Variants in SCAI observed in about 807,000 individuals in gnomAD.
The protein encoded by SCAI is suppressor of cancer cell invasion, also known as protein SCAI.
SCAI carries 24 observed loss-of-function variants against 92.2 expected under a neutral mutation model. The observed-to-expected ratio is 0.26, with a 90% CI of 0.19 to 0.37. The LOEUF (loss-of-function observed/expected upper bound fraction) is 0.37. Ranked by LOEUF, SCAI falls within the 10% of genes least tolerant of loss-of-function variation. The pLI, the probability that SCAI is intolerant of heterozygous loss-of-function variation, is 1.00. For missense variants in SCAI, 450 were observed against 736.2 expected (o/e 0.61, Z 4.50); for synonymous variants, 261 against 258.6 (o/e 1.01, Z -0.09).
chr9:125,068,301 G>C (rs1833910987), intron 2 of SCAI, among the ~76,000 whole-genome samples: 1 of 152,032 alleles, frequency 6.6e-6, no homozygotes, highest in Non-Finnish European at 1.5e-5. Context: ...AGATGTTCAA[G>C]ATCAACCTGG....
At chr9:125,105,836 C>T (rs1474007541) in intron 2 of SCAI, among the ~76,000 whole-genome samples, 2 of 151,724 alleles carry the variant, frequency 1.3e-5, no homozygotes, top group African/African-American at 4.8e-5. Flanking sequence ...CGGTGGCTCA[C>T]GCCTGTAATC....
intron 2 of SCAI, among the ~76,000 whole-genome samples, chr9:125,083,431 T>A (rs1834261202): frequency 6.6e-6 from 1 of 151,202 alleles, no homozygotes. Context: ...GGCAAGAGAA[T>A]TGCTTGAACC....
chr9:124,966,798 A>G (rs1831550325), intron 17 of SCAI, among the ~76,000 whole-genome samples: 1 of 151,626 alleles, frequency 6.6e-6, no homozygotes, highest in Admixed American at 6.6e-5. Flanking sequence ...TTTTTCTAAG[A>G]GATAGGATCT....
At chr9:125,011,295 G>C (rs1206876155) in intron 9 of SCAI, among the ~76,000 whole-genome samples, 1 of 152,174 alleles carries the variant, frequency 6.6e-6, no homozygotes, top group Non-Finnish European at 1.5e-5. Flanking sequence ...AAAAAATTTA[G>C]ACTAATGTAT....
intron 5 of SCAI, among the ~76,000 whole-genome samples, chr9:125,027,998 C>T (rs1201621049): frequency 6.6e-6 from 1 of 152,138 alleles, no homozygotes; most frequent in African/African-American, 2.4e-5. Flanking sequence ...ACATATCCTG[C>T]AAGTATGAGT....
chr9:125,074,750 A>C (rs1834052455), intron 2 of SCAI, among the ~76,000 whole-genome samples: 1 of 151,668 alleles, frequency 6.6e-6, no homozygotes, highest in Non-Finnish European at 1.5e-5. Flanking sequence ...CATGCCTGTA[A>C]TCCCAACACT....
At chr9:125,049,051 A>G (rs920457998) in intron 3 of SCAI, among the ~76,000 whole-genome samples, 2 of 152,114 alleles carry the variant, frequency 1.3e-5, no homozygotes, top group African/African-American at 4.8e-5. Context: ...GGCTAGGAGC[A>G]TATTTAATAA....
chr9:125,085,315 C>T (rs1040678053), intron 2 of SCAI, among the ~76,000 whole-genome samples: 1 of 151,926 alleles, frequency 6.6e-6, no homozygotes, highest in Non-Finnish European at 1.5e-5. Context: ...GGTGAAACCC[C>T]ATCTCAACTA....
At chr9:124,977,974 A>AT (rs992485811) in intron 14 of SCAI, among the ~76,000 whole-genome samples, 8 of 151,970 alleles carry the variant, frequency 5.3e-5, no homozygotes, top group South Asian at 2.1e-4. Flanking sequence ...AAAAATAATT[A>AT]TTTTTTTTAC....
At chr9:125,124,341 G>A (rs1239224678) in intron 2 of SCAI, among the ~76,000 whole-genome samples, 1 of 152,126 alleles carries the variant, frequency 6.6e-6, no homozygotes, top group Non-Finnish European at 1.5e-5. Flanking sequence ...ATGCAATTAT[G>A]GAGGCTGAAA....
chr9:125,112,252 C>T (rs951813509), intron 2 of SCAI, among the ~76,000 whole-genome samples: 10 of 151,568 alleles, frequency 6.6e-5, no homozygotes, highest in Non-Finnish European at 1.3e-4. Flanking sequence ...GAAATATTTC[C>T]AAATAATTTA....
intron 2 of SCAI, among the ~76,000 whole-genome samples, chr9:125,073,670 C>T (rs990300586): frequency 6.6e-6 from 1 of 152,114 alleles, no homozygotes; most frequent in Non-Finnish European, 1.5e-5. Context: ...AATGTCTATC[C>T]TATGACTCTG....
At chr9:125,101,134 G>A (rs982295891) in intron 2 of SCAI, among the ~76,000 whole-genome samples, 1 of 152,178 alleles carries the variant, frequency 6.6e-6, no homozygotes, top group Non-Finnish European at 1.5e-5. Flanking sequence ...AGGGGAAGAG[G>A]TCAGAGACAT....
intron 17 of SCAI, among the ~76,000 whole-genome samples, chr9:124,970,788 G>C (rs1347024217): frequency 1.3e-5 from 2 of 152,006 alleles, no homozygotes; most frequent in African/African-American, 4.8e-5. Context: ...GATAGGATCA[G>C]GGATGTATTG....
At chr9:124,978,710 G>C (rs964501296) in intron 14 of SCAI, among the ~76,000 whole-genome samples, 1 of 152,078 alleles carries the variant, frequency 6.6e-6, no homozygotes, top group African/African-American at 2.4e-5. Flanking sequence ...AGCCTTGTTA[G>C]TGATAGTGAA....
chr9:125,008,567 T>A (rs1448998209), intron 9 of SCAI, among the ~76,000 whole-genome samples: 1 of 151,894 alleles, frequency 6.6e-6, no homozygotes, highest in Non-Finnish European at 1.5e-5. Flanking sequence ...AATATGAAAC[T>A]TAATAAAAGG....
intron 2 of SCAI, among the ~76,000 whole-genome samples, chr9:125,097,880 A>G (rs1448336771): frequency 6.6e-6 from 1 of 151,784 alleles, no homozygotes; most frequent in Admixed American, 6.6e-5. Context: ...ACATTATTTA[A>G]GAATGTATAT....
At chr9:125,033,948 T>C (rs1030737205) in intron 3 of SCAI, among the ~76,000 whole-genome samples, 10 of 152,152 alleles carry the variant, frequency 6.6e-5, no homozygotes, top group Non-Finnish European at 1.3e-4. Flanking sequence ...ATATCAATAT[T>C]ATTACTTCCC....
intron 17 of SCAI, among the ~76,000 whole-genome samples, chr9:124,962,806 CTT>C (rs575698965): frequency 2.8e-5 from 4 of 143,534 alleles, no homozygotes; most frequent in African/African-American, 2.5e-5. Flanking sequence ...CTTTCTTTTT[CTT>C]TTTTTTTTTT....
Sources: allele counts gnomAD v4.1 joint callset (sites outside exome capture counted in the v4.1 genomes callset), GRCh38; gene constraint gnomAD v4.1.1; transcripts MANE v1.5; gene names NCBI Gene and HGNC (gene_info 2026-07-23, HGNC 2026-07-21).